The following KHDRBS1 variants were observed in gnomAD, a reference collection of about 807,000 sequenced individuals.
KHDRBS1 encodes the protein KH RNA binding domain containing, signal transduction associated 1, also known as KH domain-containing, RNA-binding, signal transduction-associated protein 1.
A neutral mutation model predicts 48.4 loss-of-function variants in KHDRBS1; 7 were observed. The ratio of observed to expected loss-of-function variants is 0.14; its 90% confidence interval spans 0.08 to 0.27. KHDRBS1 has a LOEUF of 0.27. KHDRBS1 is among the 10% of genes least tolerant of loss of function. The probability of loss-of-function intolerance (pLI) is 1.00; values close to 1 mark genes in which losing one functional copy is unlikely to be tolerated. For missense variants in KHDRBS1, 458 were observed against 601.2 expected (o/e 0.76, Z 2.49); for synonymous variants, 241 against 235.8 (o/e 1.02, Z -0.20).
At chr1:32,046,679 C>G (rs555792991), downstream of KHDRBS1, among the ~76,000 whole-genome samples, 2 of 152,282 alleles carry the variant, frequency 1.3e-5, no homozygotes, top group South Asian at 4.1e-4. Context: ...CTGATTTTTT[C>G]TCTGCTCTGA....
intron 4 of KHDRBS1, among the ~76,000 whole-genome samples, chr1:32,034,741 G>T (rs1639144003): frequency 6.6e-6 from 1 of 151,994 alleles, no homozygotes. Flanking sequence ...ATTTTGGAAG[G>T]CCGAGGCGGG....
At chr1:32,034,867 G>C (rs1007841323) in intron 4 of KHDRBS1, among the ~76,000 whole-genome samples, 3 of 151,872 alleles carry the variant, frequency 2.0e-5, no homozygotes, top group Admixed American at 2.0e-4. Flanking sequence ...TGTAGTCCCA[G>C]CTAATCGGGA....
chr1:32,032,375 TAC>T (rs1639097809), intron 3 of KHDRBS1, among the ~76,000 whole-genome samples: 1 of 152,208 alleles, frequency 6.6e-6, no homozygotes, highest in South Asian at 2.1e-4. Flanking sequence ...TGCATATAGT[TAC>T]GGCTGAAGTG....
intron 1 of KHDRBS1, among the ~76,000 whole-genome samples, chr1:32,023,775 A>G (rs907904369): frequency 2.6e-5 from 4 of 152,222 alleles, no homozygotes; most frequent in Non-Finnish European, 5.9e-5. Context: ...GAAAGACCAG[A>G]CCATCAGACA....
At chr1:32,034,976 G>C (rs980719981) in intron 4 of KHDRBS1, among the ~76,000 whole-genome samples, 1 of 141,838 alleles carries the variant, frequency 7.1e-6, no homozygotes, top group African/African-American at 2.6e-5. Context: ...GTGAGGCTCT[G>C]TCTCAAAAAA....
intron 4 of KHDRBS1, among the ~76,000 whole-genome samples, chr1:32,034,294 G>A (rs1000931988): frequency 1.3e-5 from 2 of 152,238 alleles, no homozygotes; most frequent in African/African-American, 4.8e-5. Flanking sequence ...CAGGCACGGT[G>A]GCTCACGCCT....
intron 1 of KHDRBS1, among the ~76,000 whole-genome samples, chr1:32,022,325 G>T (rs1003009001): frequency 6.6e-6 from 1 of 152,108 alleles, no homozygotes; most frequent in Non-Finnish European, 1.5e-5. Context: ...TTCGGTTAAT[G>T]ATTATAGATG....
chr1:32,053,209 A>G (rs1272063454), intron 10 of KHDRBS1, among the ~76,000 whole-genome samples: 1 of 152,180 alleles, frequency 6.6e-6, no homozygotes. Context: ...GTGTATCATC[A>G]TGTTCTCTTG....
intron 10 of KHDRBS1, among the ~76,000 whole-genome samples, chr1:32,053,794 T>A (rs919771953): frequency 6.6e-6 from 1 of 152,120 alleles, no homozygotes; most frequent in Non-Finnish European, 1.5e-5. Context: ...ATATAAAACA[T>A]TCACCAGGCC....
chr1:32,029,380 G>A (rs1455378702), intron 1 of KHDRBS1, among the ~76,000 whole-genome samples: 1 of 152,164 alleles, frequency 6.6e-6, no homozygotes, highest in African/African-American at 2.4e-5. Context: ...CCTGGTGGCT[G>A]GGCGCGGTGG....
chr1:32,045,067 C>T (rs1318235963), downstream of KHDRBS1, among the ~76,000 whole-genome samples: 4 of 152,154 alleles, frequency 2.6e-5, no homozygotes, highest in African/African-American at 7.2e-5. Context: ...TCTTAAATGA[C>T]ACATTGTAAA....
chr1:32,057,309 AACTGGG>A (rs1356059274), intron 10 of KHDRBS1, among the ~76,000 whole-genome samples: 1 of 152,122 alleles, frequency 6.6e-6, no homozygotes, highest in African/African-American at 2.4e-5. Context: ...CCTCCCAAGT[AACTGGG>A]ACTATAGGCA....
Position 32,031,660 on chromosome 1 carries a change from G to T in KHDRBS1, c.624+20G>T, listed in dbSNP as rs1247845584. On this transcript the variant is annotated intron_variant, in intron 3 of 8. Transcript: ENST00000327300. Reference sequence around the variant, plus strand: ...GCCAAGGTAAGCTCACATTAGTGAGGCAAGAGGACATCCTAATGCCTTCTA... The same window carrying T: ...GCCAAGGTAAGCTCACATTAGTGAGTCAAGAGGACATCCTAATGCCTTCTA... 2.7e-6 allele frequency: 4 copies of T among 1,490,410 alleles called. No homozygotes were observed. Among genetic ancestry groups the T allele is most frequent in the Admixed American group, 3.8e-5 (2 of 52,988 alleles). 92.3% of individuals were successfully genotyped at this position (1,490,410 alleles called of 1,614,324 possible). A position where few individuals can be genotyped will look rare whatever the true frequency, so the allele number is the denominator to read the frequency against.
chr1:32,017,873 C>G (rs1370019904), intron 1 of KHDRBS1, among the ~76,000 whole-genome samples: 1 of 151,954 alleles, frequency 6.6e-6, no homozygotes, highest in East Asian at 1.9e-4. Flanking sequence ...TCCCAAAGTG[C>G]TGGAATTACA....
chr1:32,015,484 T>C (rs1249362848), intron 1 of KHDRBS1, among the ~76,000 whole-genome samples: 3 of 152,232 alleles, frequency 2.0e-5, no homozygotes, highest in Non-Finnish European at 4.4e-5. Flanking sequence ...CCTCCCTTTG[T>C]TCTCTGTCTC....
chr1:32,060,165 A>G (rs1052502133), exon 11 of KHDRBS1: 3 of 152,198 alleles, frequency 2.0e-5, no homozygotes, highest in African/African-American at 4.8e-5. Context: ...CTTTGCAGCT[A>G]TCAGAGGACT....
At chr1:32,025,848 G>A (rs888721115) in intron 1 of KHDRBS1, among the ~76,000 whole-genome samples, 4 of 149,620 alleles carry the variant, frequency 2.7e-5, no homozygotes, top group African/African-American at 4.9e-5. Context: ...GGGCTCAAGC[G>A]ATCTTCCCAC....
intron 1 of KHDRBS1, among the ~76,000 whole-genome samples, chr1:32,023,934 A>G (rs1238319647): frequency 1.3e-5 from 2 of 152,186 alleles, no homozygotes; most frequent in Non-Finnish European, 2.9e-5. Context: ...ACACTCATCA[A>G]GAGACAATAG....
In KHDRBS1 at chr1:32,042,508, G is replaced by C; in HGVS notation, c.1235-19G>C. On this transcript the variant is annotated intron_variant, in intron 8 of 8. Transcript: ENST00000327300. ...GCTGTCGCCACATGGTTTATAAACT[G>C]TCTTTGTTTTCCCCACAGGCCAGGA... is the stretch of plus-strand genomic sequence containing the variant. 1 of 1,578,672 alleles carries C rather than the reference G, an allele frequency of 6.3e-7. No individual in the cohort carries two copies. Among genetic ancestry groups the C allele is most frequent in the Non-Finnish European group, 8.7e-7 (1 of 1,148,132 alleles).
Sources: allele counts gnomAD v4.1 joint callset (sites outside exome capture counted in the v4.1 genomes callset), GRCh38; gene constraint gnomAD v4.1.1; transcripts MANE v1.5; gene names NCBI Gene and HGNC (gene_info 2026-07-23, HGNC 2026-07-21).